The following EML6 variants were observed in gnomAD, a reference collection of about 807,000 sequenced individuals.
EML6 encodes echinoderm microtubule-associated protein-like 6.
In EML6, 154 loss-of-function variants were observed where a neutral mutation model predicts 240.1. That is an observed-to-expected ratio of 0.64 (90% CI 0.56 to 0.73). The LOEUF is 0.73. Among genes scored for constraint, EML6 ranks in the 30% least tolerant of loss-of-function variants. The probability of loss-of-function intolerance (pLI) is 0.00; values close to 1 mark genes in which losing one functional copy is unlikely to be tolerated. For synonymous variants in EML6, 1,148 were observed against 899.0 expected (o/e 1.28, Z -4.95); for missense variants, 2,964 against 2,474.6 (o/e 1.20, Z -4.20).
At chr2:54,849,592 C>G (rs1012769399) in intron 9 of EML6, among the ~76,000 whole-genome samples, 2 of 152,302 alleles carry the variant, frequency 1.3e-5, no homozygotes, top group African/African-American at 4.8e-5. Flanking sequence ...AGGTTCACGC[C>G]ATTCTCCTGC....
At chr2:54,914,039 T>C (rs1673777120) in intron 25 of EML6, among the ~76,000 whole-genome samples, 1 of 152,186 alleles carries the variant, frequency 6.6e-6, no homozygotes, top group African/African-American at 2.4e-5. Flanking sequence ...TACCAGTCTG[T>C]TTTGGTTGCT....
At chr2:54,769,650 G>A (rs1031492266) in intron 2 of EML6, among the ~76,000 whole-genome samples, 1 of 152,150 alleles carries the variant, frequency 6.6e-6, no homozygotes, top group Admixed American at 6.6e-5. Flanking sequence ...GGTGAGTAGA[G>A]GCCTGTGAAA....
chr2:54,826,297 G>T (rs112209440), intron 5 of EML6, among the ~76,000 whole-genome samples: 1,559 of 152,246 alleles, frequency 0.01, 28 homozygotes, highest in African/African-American at 0.035. Flanking sequence ...CCTGAGGGGG[G>T]GCTATATCAA....
chr2:54,844,874 A>G (rs1169238003), intron 8 of EML6, among the ~76,000 whole-genome samples: 1 of 152,208 alleles, frequency 6.6e-6, no homozygotes, highest in Admixed American at 6.5e-5. Context: ...TTTTGTACCT[A>G]TTAAAGGAAT....
intron 2 of EML6, among the ~76,000 whole-genome samples, chr2:54,772,128 T>G (rs1668427902): frequency 2.0e-5 from 3 of 152,244 alleles, no homozygotes. Context: ...TTTATTAAAT[T>G]GTTGCAATTT....
intron 26 of EML6, among the ~76,000 whole-genome samples, chr2:54,923,045 G>A (rs1433690450): frequency 3.5e-5 from 5 of 143,372 alleles, no homozygotes; most frequent in Admixed American, 7.5e-5. Flanking sequence ...GGGTTCAACC[G>A]ATTCTCCTGC....
At position 54,813,364 on chromosome 2, in the gene EML6, C is replaced by T; in HGVS notation, c.330C>T (p.Ala110=). The T allele has an allele frequency of 3.2e-6, 5 of 1,551,642 alleles. No homozygotes were observed. The South Asian group carries it at 3.6e-5, about 11-fold the overall frequency. The part of the protein sequence containing the change: ...LLKDVHTHGV[A]CLAFDSDGQR... ...AAGATGTCCATACACATGGAGTTGC[C>T]TGCCTGGCTTTTGACTCAGATGGAC... Residue 110 remains alanine (A), a synonymous_variant, in exon 3 of 42, where the codon GCC becomes GCT. Transcript: ENST00000356458.
intron 14 of EML6, chr2:54,868,708 AGTT>A (rs150316496): frequency 0.013 from 1,980 of 153,100 alleles, 54 homozygotes; most frequent in African/African-American, 0.044. Context: ...CAGTCATTAG[AGTT>A]GTTTTCTTTC....
intron 29 of EML6, among the ~76,000 whole-genome samples, chr2:54,950,359 A>G (rs1009195816): frequency 2.0e-5 from 3 of 152,210 alleles, no homozygotes; most frequent in African/African-American, 7.2e-5. Context: ...CAGGGCATCA[A>G]ATCTCTGGAC....
chr2:54,726,550 G>C lies in EML6; in HGVS notation c.197+1292G>C, dbSNP rs948645543. Among the ~76,000 whole-genome samples the C allele has an allele frequency of 3.3e-5, 5 of 152,060 alleles. No homozygotes were observed. The South Asian group carries it at 1.0e-3, about 32-fold the overall frequency. ...ATCTTGACTTTTTTTGAAGATGGGAGTGCTAATGTTCTCAAGATTTAGTGG... is the reference window on the plus strand; with the variant it reads ...ATCTTGACTTTTTTTGAAGATGGGACTGCTAATGTTCTCAAGATTTAGTGG... On this transcript the variant is annotated intron_variant, in intron 2 of 41. Coordinates refer to ENST00000356458, the MANE Select transcript of EML6 (RefSeq NM_001039753.4).
intron 7 of EML6, among the ~76,000 whole-genome samples, chr2:54,841,717 C>T (rs768446201): frequency 7.2e-5 from 11 of 151,806 alleles, no homozygotes; most frequent in Admixed American, 1.3e-4. Flanking sequence ...CTCAGCCACC[C>T]GGGTAGCTGG....
chr2:54,796,924 A>G (rs546964752), intron 2 of EML6, among the ~76,000 whole-genome samples: 3 of 152,006 alleles, frequency 2.0e-5, no homozygotes, highest in Admixed American at 6.6e-5. Context: ...CAGCACTTTG[A>G]GAGGCCGAGG....
At chr2:54,856,457 G>A (rs904398954) in intron 11 of EML6, among the ~76,000 whole-genome samples, 2 of 152,192 alleles carry the variant, frequency 1.3e-5, no homozygotes, top group African/African-American at 2.4e-5. Context: ...ATAGCAAATG[G>A]ACTTGTGTTG....
intron 2 of EML6, among the ~76,000 whole-genome samples, chr2:54,791,215 C>T (rs1174292013): frequency 6.6e-6 from 1 of 151,972 alleles, no homozygotes; most frequent in Non-Finnish European, 1.5e-5. Context: ...CACGTGGGAA[C>T]ACAGATGATG....
intron 28 of EML6, among the ~76,000 whole-genome samples, chr2:54,943,229 C>T (rs910826874): frequency 3.3e-5 from 5 of 152,196 alleles, no homozygotes; most frequent in Admixed American, 6.5e-5. Flanking sequence ...CCTTCACTCA[C>T]GTAAGCCATT....
chr2:54,946,724 C>G (rs971945611), intron 28 of EML6, among the ~76,000 whole-genome samples: 3 of 152,142 alleles, frequency 2.0e-5, no homozygotes, highest in Non-Finnish European at 4.4e-5. Context: ...TGGTGAACAT[C>G]CAGTACTAAG....
rs563866003 is a variant in EML6, at chr2:54,733,103, G to A, written c.197+7845G>A. The stretch of plus-strand genomic sequence containing the variant: ...TGAAGGATTCTGGGATTGTCCACTG[G>A]TTTGCTGCCTGCCACTCCCTTTCCC... On this transcript the variant is annotated intron_variant, in intron 2 of 41. Coordinates refer to ENST00000356458, the MANE Select transcript of EML6 (RefSeq NM_001039753.4). Among the ~76,000 whole-genome samples the A allele has an allele frequency of 7.2e-5, 11 of 152,284 alleles. No homozygotes were observed. The South Asian group carries it at 1.7e-3, about 23-fold the overall frequency.
intron 13 of EML6, among the ~76,000 whole-genome samples, chr2:54,864,837 T>C (rs1368602536): frequency 6.6e-6 from 1 of 152,222 alleles, no homozygotes; most frequent in African/African-American, 2.4e-5. Flanking sequence ...TTGGAATATT[T>C]TTCAGCCCAT....
At chr2:54,905,080 C>A (rs570793938) in intron 24 of EML6, among the ~76,000 whole-genome samples, 1 of 152,250 alleles carries the variant, frequency 6.6e-6, no homozygotes, top group South Asian at 2.1e-4. Context: ...AAGTCTGTTT[C>A]GCTTTCATGT....
Sources: allele counts gnomAD v4.1 joint callset (sites outside exome capture counted in the v4.1 genomes callset), GRCh38; gene constraint gnomAD v4.1.1; transcripts MANE v1.5; gene names NCBI Gene and HGNC (gene_info 2026-07-23, HGNC 2026-07-21).